The following LRRC4C variants were observed in gnomAD, a reference collection of about 807,000 sequenced individuals.
LRRC4C encodes the protein leucine-rich repeat-containing protein 4C.
LRRC4C carries 5 observed loss-of-function variants against 33.6 expected under a neutral mutation model. That is an observed-to-expected ratio of 0.15 (90% confidence interval 0.08 to 0.31). The LOEUF is 0.31. Ranked by LOEUF, LRRC4C falls within the 10% of genes least tolerant of loss-of-function variation. The pLI is 1.00. For synonymous variants in LRRC4C, 329 were observed against 302.0 expected (o/e 1.09, Z -0.93); for missense variants, 560 against 796.7 (o/e 0.70, Z 3.58).
chr11:41,179,887 T>C (rs1945370348), intron 1 of LRRC4C, among the ~76,000 whole-genome samples: 1 of 20,536 alleles, frequency 4.9e-5, no homozygotes. Flanking sequence ...AGGCAGGTTT[T>C]CTTCCACCTA....
chr11:40,350,151 C>A (rs943136977), intron 3 of LRRC4C, among the ~76,000 whole-genome samples: 5 of 152,006 alleles, frequency 3.3e-5, no homozygotes, highest in Admixed American at 3.3e-4. Flanking sequence ...GGATATTACT[C>A]AAAAAATCTT....
At position 40,697,471 on chromosome 11, in the gene LRRC4C, T is replaced by C. The variant is rs532848503; in HGVS notation, c.-406-49193A>G. On this transcript the variant is annotated intron_variant, in intron 2 of 6. Transcript: ENST00000528697. The stretch of plus-strand genomic sequence containing the variant: ...TTTTATGAAAGGAATAACATTTTAA[T>C]CAAAAATTTTGAGAATACTAAAAGA... Among the ~76,000 whole-genome samples the C allele has an allele frequency of 2.0e-5, 3 of 152,290 alleles. No individual in the cohort carries two copies. In the South Asian group the frequency reaches 6.2e-4, roughly 32 times the overall value.
intron 3 of LRRC4C, among the ~76,000 whole-genome samples, chr11:40,376,331 G>C (rs1948657688): frequency 6.6e-6 from 1 of 152,072 alleles, no homozygotes; most frequent in African/African-American, 2.4e-5. Context: ...GAAGCAGAAA[G>C]CCATGTCTTA....
chr11:40,367,740 T>C (rs1488249288), intron 3 of LRRC4C, among the ~76,000 whole-genome samples: 1 of 152,160 alleles, frequency 6.6e-6, no homozygotes, highest in Non-Finnish European at 1.5e-5. Context: ...CTGATATTTT[T>C]TATTAAAAAT....
intron 1 of LRRC4C, among the ~76,000 whole-genome samples, chr11:41,235,065 T>TA (rs1565503915): frequency 3.3e-5 from 5 of 151,704 alleles, no homozygotes; most frequent in East Asian, 1.9e-4. Context: ...AACATGTGGA[T>TA]AAAAAAAAGA....
At chr11:41,043,971 C>T (rs1353701787) in intron 1 of LRRC4C, among the ~76,000 whole-genome samples, 1 of 151,950 alleles carries the variant, frequency 6.6e-6, no homozygotes, top group African/African-American at 2.4e-5. Context: ...CTTTCCAAAA[C>T]ACACAACATA....
chr11:41,354,217 T>C (rs564332786), intron 1 of LRRC4C, among the ~76,000 whole-genome samples: 1 of 152,226 alleles, frequency 6.6e-6, no homozygotes, highest in South Asian at 2.1e-4. Flanking sequence ...TCAGTAGCAT[T>C]ATACACCAAT....
chr11:41,074,233 C>T (rs1938936234), intron 1 of LRRC4C, among the ~76,000 whole-genome samples: 1 of 152,120 alleles, frequency 6.6e-6, no homozygotes, highest in African/African-American at 2.4e-5. Context: ...TAAGAGGCAA[C>T]CCCTTCACTA....
intron 2 of LRRC4C, among the ~76,000 whole-genome samples, chr11:40,709,289 C>A (rs546926295): frequency 1.1e-4 from 17 of 152,286 alleles, no homozygotes; most frequent in South Asian, 6.2e-4. Flanking sequence ...GATGCAGTTT[C>A]TTCCTAGCAT....
chr11:41,025,978 G>A (rs573152794), intron 1 of LRRC4C, among the ~76,000 whole-genome samples: 27 of 151,772 alleles, frequency 1.8e-4, no homozygotes, highest in African/African-American at 6.5e-4. Flanking sequence ...CATTGACAAT[G>A]TCCCTGGTCA....
intron 5 of LRRC4C, among the ~76,000 whole-genome samples, chr11:40,168,726 C>T (rs1338501920): frequency 6.6e-6 from 1 of 152,198 alleles, no homozygotes; most frequent in Non-Finnish European, 1.5e-5. Flanking sequence ...TAAAAGGCTC[C>T]ACACCAGCTG....
At chr11:40,698,950 T>C (rs1304105607) in intron 2 of LRRC4C, among the ~76,000 whole-genome samples, 1 of 152,202 alleles carries the variant, frequency 6.6e-6, no homozygotes, top group Admixed American at 6.5e-5. Flanking sequence ...ATGGGAATCA[T>C]GGGAGCTACA....
chr11:41,109,323 GTC>G (rs1941693898), intron 1 of LRRC4C, among the ~76,000 whole-genome samples: 1 of 151,952 alleles, frequency 6.6e-6, no homozygotes, highest in Non-Finnish European at 1.5e-5. Flanking sequence ...TTCACTGTTT[GTC>G]TTTTAAAGCA....
At chr11:40,179,468 T>C (rs2135505262) in intron 5 of LRRC4C, among the ~76,000 whole-genome samples, 1 of 152,288 alleles carries the variant, frequency 6.6e-6, no homozygotes, top group Middle Eastern at 3.4e-3. Flanking sequence ...ACAGCGACCA[T>C]TAAATTGAAC....
At chr11:41,422,528 T>C (rs1200074210) in intron 1 of LRRC4C, among the ~76,000 whole-genome samples, 1 of 152,048 alleles carries the variant, frequency 6.6e-6, no homozygotes, top group Admixed American at 6.6e-5. Context: ...GTCAAAATGC[T>C]GAAAATGGCA....
At chr11:41,283,884 A>G (rs1949743133) in intron 1 of LRRC4C, among the ~76,000 whole-genome samples, 1 of 152,184 alleles carries the variant, frequency 6.6e-6, no homozygotes, top group Non-Finnish European at 1.5e-5. Flanking sequence ...CAATTTCCTC[A>G]ATGGTAAAAT....
chr11:40,858,240 T>C (rs972138738), intron 2 of LRRC4C, among the ~76,000 whole-genome samples: 5 of 152,236 alleles, frequency 3.3e-5, no homozygotes, highest in African/African-American at 9.6e-5. Flanking sequence ...AAAGTTTCAC[T>C]GGACGTAACT....
intron 3 of LRRC4C, among the ~76,000 whole-genome samples, chr11:40,484,652 TA>T: frequency 6.6e-6 from 1 of 152,216 alleles, no homozygotes; most frequent in Non-Finnish European, 1.5e-5. Flanking sequence ...TTAAATGCTT[TA>T]AAAAATTAAA....
At position 41,065,092 on chromosome 11, in the gene LRRC4C, G is replaced by GAGCCGAGCCAGGA. The variant is rs889067285; in HGVS notation, c.-495-131370_-495-131369insTCCTGGCTCGGCT. On this transcript the variant is annotated intron_variant, in intron 1 of 6. Coordinates refer to ENST00000528697, the MANE Select transcript of LRRC4C (RefSeq NM_001258419.2). ...CCCCCGGAAAGGGGGCTGAGCCAGGGAGCCAAGTGGTCTTGTTCAGTGGAT... is the reference window on the plus strand; with the variant it reads ...CCCCCGGAAAGGGGGCTGAGCCAGGGAGCCGAGCCAGGAAGCCAAGTGGTCTTGTTCAGTGGAT... Among the ~76,000 whole-genome samples, 14 of 152,218 alleles carry GAGCCGAGCCAGGA rather than the reference G, an allele frequency of 9.2e-5. 1 individual carries two copies. The East Asian group carries it at 1.7e-3, about 19-fold the overall frequency.
Sources: gnomAD v4.1 joint callset for allele counts (sites outside exome capture counted in the v4.1 genomes callset) on GRCh38, gnomAD v4.1.1 for gene constraint, MANE v1.5 for transcripts, NCBI Gene and HGNC (gene_info 2026-07-23, HGNC 2026-07-21) for gene names.